DLG5: variants seen among roughly 807,000 people sequenced by gnomAD.
DLG5 encodes discs large MAGUK scaffold protein 5.
A neutral mutation model predicts 189.8 loss-of-function variants in DLG5; 48 were observed. The ratio of observed to expected loss-of-function variants is 0.25; its 90% confidence interval spans 0.20 to 0.32. The LOEUF is 0.32. Among genes scored for constraint, DLG5 ranks in the 10% least tolerant of loss-of-function variants. The probability of loss-of-function intolerance (pLI) is 1.00; values close to 1 mark genes in which losing one functional copy is unlikely to be tolerated. For synonymous variants in DLG5, 1,016 were observed against 1,054.1 expected (o/e 0.96, Z 0.70); for missense variants, 2,160 against 2,544.7 (o/e 0.85, Z 3.25).
At chr10:77,938,133 C>T in the DLG5 span, among the ~76,000 whole-genome samples, 2 of 151,990 alleles carry the variant, frequency 1.3e-5, no homozygotes, top group Non-Finnish European at 2.9e-5. Flanking sequence ...TAGCTTGATG[C>T]ACAATAGGGG....
At chr10:77,856,058 T>C (rs1844213142) in intron 3 of DLG5, among the ~76,000 whole-genome samples, 1 of 152,100 alleles carries the variant, frequency 6.6e-6, no homozygotes, top group Non-Finnish European at 1.5e-5. Flanking sequence ...AAACACATCA[T>C]GTGGGGCCAG....
At chr10:77,876,569 T>C (rs964487058) in intron 1 of DLG5, among the ~76,000 whole-genome samples, 1 of 151,464 alleles carries the variant, frequency 6.6e-6, no homozygotes, top group Non-Finnish European at 1.5e-5. Flanking sequence ...AGACGGGGTT[T>C]CACCACGTTG....
chr10:77,898,235 G>A (rs35720542), intron 1 of DLG5, among the ~76,000 whole-genome samples: 10,638 of 152,290 alleles, frequency 0.07, 567 homozygotes, highest in East Asian at 0.2. Context: ...CCAAAGACCT[G>A]GATTCTGTTT....
chr10:77,829,247 G>A, intron 12 of DLG5, 108 bp downstream of exon 12: 2 of 1,442,926 alleles, frequency 1.4e-6, no homozygotes, highest in Non-Finnish European at 1.9e-6. Flanking sequence ...AATGGCATTG[G>A]CCCCTCATCC....
chr10:77,918,978 G>A (rs185600586), intron 1 of DLG5, among the ~76,000 whole-genome samples: 71 of 152,284 alleles, frequency 4.7e-4, no homozygotes, highest in African/African-American at 1.5e-3. Flanking sequence ...CACTCTGGGA[G>A]GCTGAGGTAG....
Position 77,829,377 on chromosome 10 carries a change from G to A in DLG5, c.2163C>T (p.His721=). The A allele has an allele frequency of 6.2e-7, 1 of 1,614,146 alleles. No individual in the cohort carries two copies. The highest frequency in any genetic ancestry group is 1.1e-5 in the South Asian group (1 of 91,078). The change falls in exon 12 of 32, where the codon CAC becomes CAT. Residue 721 remains histidine (H), a synonymous_variant. Transcript: ENST00000372391. The stretch of plus-strand genomic sequence containing the variant: ...TACCTTTCTGTCCACTGAGGTTGAT[G>A]TGCAGCGGCGTGACCACCTTCCCAC... ...SLGGKVVTPL[H]INLSGQKDSG...
intron 2 of DLG5, among the ~76,000 whole-genome samples, chr10:77,863,090 C>A (rs1278924761): frequency 6.6e-6 from 1 of 151,504 alleles, no homozygotes; most frequent in Non-Finnish European, 1.5e-5. Flanking sequence ...ATAACCTTAA[C>A]AAAAAAAAAT....
At chr10:77,828,841 T>A (rs1293379388) in intron 13 of DLG5, 41 bp downstream of exon 13, 5 of 1,593,004 alleles carry the variant, frequency 3.1e-6, no homozygotes, top group Non-Finnish European at 4.3e-6. Context: ...GTAATCTGCC[T>A]ATGCACGGCA....
intron 26 of DLG5, 21 bp downstream of exon 26, chr10:77,806,737 C>CCCCCCCCCCCCCCCAA: frequency 6.3e-7 from 1 of 1,592,014 alleles, no homozygotes. Context: ...CCACCCCACC[C>CCCCCCCCCCCCCCCAA]CAGGCCCGGA....
At chr10:77,888,606 T>C (rs1394673492) in intron 1 of DLG5, among the ~76,000 whole-genome samples, 1 of 152,132 alleles carries the variant, frequency 6.6e-6, no homozygotes, top group East Asian at 1.9e-4. Flanking sequence ...TCATTATAAG[T>C]CCATTCACTG....
At chr10:77,822,223 G>C (rs922328698) in intron 14 of DLG5, 122 bp from the exon 15 acceptor site, 8 of 1,078,386 alleles carry the variant, frequency 7.4e-6, no homozygotes, top group African/African-American at 1.6e-5. Context: ...CCTTAAAAAA[G>C]AGACAGATAG....
intron 5 of DLG5, among the ~76,000 whole-genome samples, chr10:77,851,241 AT>A (rs1166567398): frequency 6.6e-6 from 1 of 152,158 alleles, no homozygotes; most frequent in Non-Finnish European, 1.5e-5. Context: ...GGTTAAAAAT[AT>A]TTTTGCCTCT....
intron 20 of DLG5, chr10:77,815,955 A>G: frequency 2.6e-6 from 1 of 378,648 alleles, no homozygotes; most frequent in Non-Finnish European, 5.2e-6. Flanking sequence ...GCAAGCCTAC[A>G]GTCAACCTGA....
At position 77,843,429 on chromosome 10, in the gene DLG5, C is replaced by T. The variant is rs747374410; in HGVS notation, c.1124+18G>A. On this transcript the variant is annotated intron_variant, in intron 6 of 31. Transcript: ENST00000372391. ...ATAGGACCCATTTGCCCCCGGCCCC[C>T]GATGGCCCTAGCCCTACCTCCTCAG... is the stretch of plus-strand genomic sequence containing the variant. 1.9e-5 allele frequency: 30 copies of T among 1,610,770 alleles called. No individual in the cohort carries two copies. The South Asian group carries it at 1.9e-4, about 10-fold the overall frequency.
At chr10:77,830,974 A>G in intron 9 of DLG5, 101 bp from the exon 10 acceptor site, 4 of 1,374,816 alleles carry the variant, frequency 2.9e-6, no homozygotes, top group Non-Finnish European at 3.9e-6. Flanking sequence ...GAAACAGCTA[A>G]AATGGGTTCC....
chr10:77,928,658 G>T (rs977744646), upstream of DLG5: 1 of 152,394 alleles, frequency 6.6e-6, no homozygotes, highest in East Asian at 1.9e-4. Flanking sequence ...TAGAAAGCTA[G>T]TTGGAGGAAG....
intron 8 of DLG5, among the ~76,000 whole-genome samples, chr10:77,835,497 G>A (rs973182088): frequency 2.0e-5 from 3 of 152,190 alleles, no homozygotes; most frequent in Admixed American, 6.5e-5. Flanking sequence ...GCGGTCTCAC[G>A]TGGACATAGT....
intron 1 of DLG5, among the ~76,000 whole-genome samples, chr10:77,870,366 C>T (rs1844849197): frequency 6.6e-6 from 1 of 152,154 alleles, no homozygotes; most frequent in Non-Finnish European, 1.5e-5. Flanking sequence ...GGCTCCACAA[C>T]AAGAAATGTG....
intron 1 of DLG5, among the ~76,000 whole-genome samples, chr10:77,905,532 C>T (rs1846049052): frequency 1.3e-5 from 2 of 152,224 alleles, no homozygotes; most frequent in South Asian, 4.1e-4. Context: ...ACACCCTTGT[C>T]CCTGCTGTGT....
Sources: allele counts gnomAD v4.1 joint callset (sites outside exome capture counted in the v4.1 genomes callset), GRCh38; gene constraint gnomAD v4.1.1; transcripts MANE v1.5; gene names NCBI Gene and HGNC (gene_info 2026-07-23, HGNC 2026-07-21).